Variants in RIN3 observed in about 807,000 individuals in gnomAD.
RIN3 encodes RAB5 interacting protein 3.
A neutral mutation model predicts 76.3 loss-of-function variants in RIN3; 54 were observed. The observed-to-expected ratio is 0.71, with a 90% CI of 0.57 to 0.89. The LOEUF (loss-of-function observed/expected upper bound fraction) is 0.89, where lower values mean the gene tolerates loss of function less well. Ranked by LOEUF, RIN3 falls within the 40% of genes least tolerant of loss-of-function variation. The pLI is 0.00. For synonymous variants in RIN3, 576 were observed against 564.0 expected (o/e 1.02, Z -0.30); for missense variants, 1,256 against 1,322.1 (o/e 0.95, Z 0.78).
At position 92,685,390 on chromosome 14, in the gene RIN3, C is replaced by G. The variant is rs530867843; in HGVS notation, c.2631+240C>G. ...GGCATTGGTGTTCTCCCTGGGCAAG[C>G]AGGAAGGGTGCAGGAGGAATGAGAC... On this transcript the variant is annotated intron_variant, in intron 9 of 9. Coordinates refer to ENST00000216487, the MANE Select transcript of RIN3 (RefSeq NM_024832.5). The surrounding 1 kb of genome is among the most constrained non-coding windows in gnomAD (Gnocchi z 4.7). The G allele has an allele frequency of 7.3e-5, 39 of 532,204 alleles. No homozygotes were observed. The highest frequency in any genetic ancestry group is 7.0e-4 in the African/African-American group (37 of 52,930). The allele number at this position is 532,204 out of a possible 1,614,324, so 33.0% of individuals were successfully genotyped here.
intron 8 of RIN3, among the ~76,000 whole-genome samples, chr14:92,678,695 C>T: frequency 6.6e-6 from 1 of 152,038 alleles, no homozygotes; most frequent in Non-Finnish European, 1.5e-5. Flanking sequence ...TCCACTCGCC[C>T]ATCTACCCTT....
rs114797792 is a variant in RIN3 at position 92,685,251 on chromosome 14, C to A, written c.2631+101C>A. 38,650 of 1,285,650 alleles carry A rather than the reference C, an allele frequency of 0.03. 741 individuals carry two copies. Among genetic ancestry groups the A allele is most frequent in the Non-Finnish European group, 0.037 (34,609 of 945,110 alleles). 79.6% of individuals were successfully genotyped at this position (1,285,650 alleles called of 1,614,324 possible). On this transcript the variant is annotated intron_variant, in intron 9 of 9. Transcript: ENST00000216487. The surrounding 1 kb of genome is among the most constrained non-coding windows in gnomAD (Gnocchi z 4.7). ...CCGTGACATCACCTGGCTGCTCCAG[C>A]CGCCCAGCCCTGCCTTAGGGGAGCA...
intron 2 of RIN3, among the ~76,000 whole-genome samples, chr14:92,575,305 C>T (rs1020554456): frequency 6.6e-6 from 1 of 152,062 alleles, no homozygotes; most frequent in African/African-American, 2.4e-5. Context: ...GCCGTATCCT[C>T]ACGTTACCAG....
chr14:92,684,716 T>A (rs1888786268), intron 8 of RIN3, among the ~76,000 whole-genome samples: 1 of 152,186 alleles, frequency 6.6e-6, no homozygotes, highest in South Asian at 2.1e-4. Context: ...TAAAAATCAT[T>A]TTTTAAATAA....
Position 92,631,324 on chromosome 14 carries a change from G to C in RIN3, c.441-9914G>C, listed in dbSNP as rs371731689. ...GCACAGTGAAGATTCCCCAGAGCAGGACGCCCCCATCCCTCTCAATCCAGC... is the reference window on the plus strand; with the variant it reads ...GCACAGTGAAGATTCCCCAGAGCAGCACGCCCCCATCCCTCTCAATCCAGC... On this transcript the variant is annotated intron_variant, in intron 4 of 9. Transcript: ENST00000216487. 1.8e-4 allele frequency among the ~76,000 whole-genome samples: 28 copies of C among 152,308 alleles called. No individual in the cohort carries two copies. In the South Asian group the frequency reaches 5.8e-3, roughly 32 times the overall value.
At chr14:92,674,155 C>CCCTG (rs1308426263) in intron 7 of RIN3, among the ~76,000 whole-genome samples, 1 of 152,196 alleles carries the variant, frequency 6.6e-6, no homozygotes, top group African/African-American at 2.4e-5. Flanking sequence ...TCTCCAACCT[C>CCCTG]CCTGCCGAGG....
Position 92,685,110 on chromosome 14 carries a change from G to T in RIN3, c.2591G>T (p.Arg864Leu), listed in dbSNP as rs1888803653. ...QDSIHRWERR[R>L]TLNKARASRS... is the part of the protein sequence containing the mutation. ...TCCATCCACCGCTGGGAGCGCCGGC[G>T]TACTCTCAACAAGGCCCGGGCCTCC... The change falls in exon 9 of 10, where the codon CGT (arginine) becomes CTT (leucine). Residue 864 changes from arginine (R) to leucine (L), a missense_variant. Physicochemically the swap from Arg to Leu is moderately radical, Grantham distance 102. Around this residue, in one of 3 missense-constraint regions of RIN3, gnomAD observed 428 missense variants for 521.2 expected, o/e 0.82. Coordinates refer to ENST00000216487, the MANE Select transcript of RIN3 (RefSeq NM_024832.5). The surrounding 1 kb of genome is among the most constrained non-coding windows in gnomAD (Gnocchi z 4.7). The T allele has an allele frequency of 1.9e-6, 3 of 1,613,422 alleles. No homozygotes were observed. The highest frequency in any genetic ancestry group is 1.7e-6 in the Non-Finnish European group (2 of 1,179,846).
chr14:92,653,099 C>A, intron 6 of RIN3, 24 bp downstream of exon 6: 1 of 1,582,836 alleles, frequency 6.3e-7, no homozygotes, highest in Non-Finnish European at 8.5e-7. Context: ...GAGGAGGTGG[C>A]AGGGAGGAGA....
At chr14:92,676,939 T>C (rs1888487326) in intron 8 of RIN3, among the ~76,000 whole-genome samples, 1 of 151,234 alleles carries the variant, frequency 6.6e-6, no homozygotes, top group Non-Finnish European at 1.5e-5. Context: ...CAATGAAGGA[T>C]AAATAGGAGC....
intron 4 of RIN3, among the ~76,000 whole-genome samples, chr14:92,631,242 G>T (rs1312511277): frequency 3.3e-5 from 5 of 152,192 alleles, no homozygotes; most frequent in Admixed American, 3.3e-4. Context: ...TGGGCTGGGA[G>T]CCTGTTCCTG....
At chr14:92,644,004 A>AC (rs1403703931) in intron 5 of RIN3, among the ~76,000 whole-genome samples, 1 of 152,204 alleles carries the variant, frequency 6.6e-6, no homozygotes, top group East Asian at 1.9e-4. Context: ...CAAGATTTGC[A>AC]CCAAAGGCTT....
At position 92,602,822 on chromosome 14, in the gene RIN3, C is replaced by T. The variant is rs80099515; in HGVS notation, c.368-12585C>T. On this transcript the variant is annotated intron_variant, in intron 3 of 9. Coordinates refer to ENST00000216487, the MANE Select transcript of RIN3 (RefSeq NM_024832.5). ...AAGCACTCGGGCTGATCCCCTCTCT[C>T]AAGCTGATGATGTGCCACCTCTGGA... 3.7e-3 allele frequency among the ~76,000 whole-genome samples: 563 copies of T among 152,218 alleles called. 15 individuals carry two copies. The South Asian group carries it at 0.053, about 14-fold the overall frequency.
intron 1 of RIN3, among the ~76,000 whole-genome samples, chr14:92,534,766 T>G (rs908702688): frequency 6.6e-6 from 1 of 152,068 alleles, no homozygotes; most frequent in Non-Finnish European, 1.5e-5. Flanking sequence ...TTCCACTATC[T>G]TGTATGTGAG....
intron 1 of RIN3, among the ~76,000 whole-genome samples, chr14:92,528,653 G>A (rs1016835766): frequency 6.6e-6 from 1 of 152,206 alleles, no homozygotes; most frequent in Non-Finnish European, 1.5e-5. Flanking sequence ...CTTGCTTACT[G>A]TGAGACCTCT....
chr14:92,563,997 C>A (rs1337846415), intron 2 of RIN3, among the ~76,000 whole-genome samples: 1 of 152,194 alleles, frequency 6.6e-6, no homozygotes, highest in East Asian at 1.9e-4. Flanking sequence ...AGCCACTGGA[C>A]TGTCAACCTC....
chr14:92,673,678 G>A (rs572940804), intron 7 of RIN3, among the ~76,000 whole-genome samples: 6 of 152,268 alleles, frequency 3.9e-5, no homozygotes, highest in South Asian at 4.1e-4. Flanking sequence ...GCTAATTTTT[G>A]TATTTTTAGC....
At chr14:92,653,261 C>A (rs376457816) in intron 6 of RIN3, among the ~76,000 whole-genome samples, 186 bp downstream of exon 6, 61 of 152,314 alleles carry the variant, frequency 4.0e-4, no homozygotes, top group Non-Finnish European at 7.1e-4. Context: ...CGGCTCCCCC[C>A]CTTCCCTAGA....
chr14:92,612,405 T>G (rs561523558), intron 3 of RIN3, among the ~76,000 whole-genome samples: 2 of 152,322 alleles, frequency 1.3e-5, no homozygotes, highest in East Asian at 3.9e-4. Flanking sequence ...CGAGGCTGTT[T>G]GTTGGGACTT....
chr14:92,520,154 C>G (rs920671120), intron 1 of RIN3, among the ~76,000 whole-genome samples: 4 of 152,258 alleles, frequency 2.6e-5, no homozygotes, highest in Non-Finnish European at 5.9e-5. Flanking sequence ...AATGAACGAG[C>G]CTGCAATGAA....
Sources: allele counts gnomAD v4.1 joint callset (sites outside exome capture counted in the v4.1 genomes callset), GRCh38; gene constraint gnomAD v4.1.1; regional missense constraint gnomAD v4.1.1; non-coding constraint Gnocchi (gnomAD v3.1); transcripts MANE v1.5; gene names NCBI Gene and HGNC (gene_info 2026-07-23, HGNC 2026-07-21).